PTCHD4: variants seen among roughly 807,000 people sequenced by gnomAD.
PTCHD4 encodes the protein patched domain containing 4.
In PTCHD4, 33 loss-of-function variants were observed where a neutral mutation model predicts 58.1. That is an observed-to-expected ratio of 0.57 (90% CI 0.43 to 0.76). The LOEUF is 0.76. Among genes scored for constraint, PTCHD4 ranks in the 30% least tolerant of loss-of-function variants. The pLI is 0.00. For synonymous variants in PTCHD4, 478 were observed against 409.6 expected (o/e 1.17, Z -2.02); for missense variants, 1,058 against 1,027.1 (o/e 1.03, Z -0.41).
intron 4 of PTCHD4, among the ~76,000 whole-genome samples, chr6:47,956,635 G>A (rs2113958882): frequency 6.6e-6 from 1 of 151,986 alleles, no homozygotes; most frequent in South Asian, 2.1e-4. Context: ...GGGTTTCACC[G>A]TGTTAGTCAA....
At chr6:47,960,322 T>C (rs554479726) in intron 4 of PTCHD4, among the ~76,000 whole-genome samples, 4 of 152,016 alleles carry the variant, frequency 2.6e-5, no homozygotes, top group African/African-American at 9.7e-5. Context: ...ATGGGACAAA[T>C]ACAGGTAAAT....
At chr6:48,078,649 A>G (rs1582117986) in intron 1 of PTCHD4, among the ~76,000 whole-genome samples, 2 of 152,200 alleles carry the variant, frequency 1.3e-5, no homozygotes, top group East Asian at 3.8e-4. Context: ...AGGATTTTCT[A>G]CATTTTTTTC....
chr6:48,052,343 C>G (rs1334397141), intron 3 of PTCHD4, among the ~76,000 whole-genome samples: 1 of 150,186 alleles, frequency 6.7e-6, no homozygotes, highest in Non-Finnish European at 1.5e-5. Context: ...AGGTAAAGAA[C>G]AGTTTAAGAA....
chr6:48,006,346 A>G (rs1043224051), intron 4 of PTCHD4, among the ~76,000 whole-genome samples: 3 of 152,208 alleles, frequency 2.0e-5, no homozygotes, highest in African/African-American at 7.2e-5. Flanking sequence ...CTAGGTTACA[A>G]TCCAGCATCA....
At chr6:47,892,630 A>G (rs1001881499) in intron 4 of PTCHD4, among the ~76,000 whole-genome samples, 3 of 152,222 alleles carry the variant, frequency 2.0e-5, no homozygotes, top group Admixed American at 2.0e-4. Flanking sequence ...GTCTGATTCA[A>G]TCATTAGGAT....
intron 1 of PTCHD4, among the ~76,000 whole-genome samples, chr6:48,109,170 C>A (rs753243266): frequency 6.6e-5 from 10 of 152,042 alleles, no homozygotes; most frequent in Middle Eastern, 3.2e-3. Flanking sequence ...TTCAAATCAT[C>A]TTGTAAGGGA....
At chr6:48,014,359 G>A (rs1762794556) in intron 3 of PTCHD4, among the ~76,000 whole-genome samples, 3 of 152,150 alleles carry the variant, frequency 2.0e-5, no homozygotes, top group Admixed American at 6.6e-5. Context: ...ATGCTTCTAT[G>A]TAGGAAAGAC....
intron 4 of PTCHD4, among the ~76,000 whole-genome samples, chr6:47,883,659 G>A (rs1027363454): frequency 1.3e-5 from 2 of 152,016 alleles, no homozygotes; most frequent in Non-Finnish European, 2.9e-5. Context: ...TTTAATCCAG[G>A]GTTTCCCAAC....
chr6:48,014,771 C>T (rs1480804429), intron 3 of PTCHD4, among the ~76,000 whole-genome samples: 1 of 151,958 alleles, frequency 6.6e-6, no homozygotes, highest in East Asian at 1.9e-4. Context: ...CATGATGAAG[C>T]TCTTTTGTTT....
At chr6:48,009,286 G>C (rs1377948165) in intron 3 of PTCHD4, among the ~76,000 whole-genome samples, 172 bp from the exon 4 acceptor site, 3 of 152,148 alleles carry the variant, frequency 2.0e-5, no homozygotes, top group African/African-American at 7.2e-5. Context: ...GAGCTACATG[G>C]GATACCATGT....
chr6:48,068,827 C>G lies in PTCHD4; in HGVS notation c.5+126G>C. ...TGCGCTCCTACTACTCTTTCAAACACTGCAGCAAGTTGCAGCAAGGCGGGC... is the reference window on the plus strand; with the variant it reads ...TGCGCTCCTACTACTCTTTCAAACAGTGCAGCAAGTTGCAGCAAGGCGGGC... On this transcript the variant is annotated intron_variant, in intron 2 of 4. Transcript: ENST00000339488. This position sits in a 1 kb window ranked among gnomAD's most constrained non-coding sequence, Gnocchi z 4.2. The G allele has an allele frequency of 1.8e-6, 1 of 567,284 alleles. No homozygotes were observed. The highest frequency in any genetic ancestry group is 3.0e-6 in the Non-Finnish European group (1 of 337,002). The allele number at this position is 567,284 out of a possible 1,614,324, so 35.1% of individuals were successfully genotyped here.
intron 3 of PTCHD4, among the ~76,000 whole-genome samples, chr6:48,024,724 A>G (rs982155988): frequency 5.9e-5 from 9 of 152,128 alleles, no homozygotes; most frequent in Non-Finnish European, 1.2e-4. Context: ...TAGTGGAAAG[A>G]GTGCCTGAAG....
chr6:48,075,122 T>A (rs1765039326), intron 1 of PTCHD4, among the ~76,000 whole-genome samples: 1 of 152,178 alleles, frequency 6.6e-6, no homozygotes, highest in Non-Finnish European at 1.5e-5. Flanking sequence ...TAATAAGAAG[T>A]TTAGATAGAA....
At chr6:47,979,128 C>G (rs1459341828) in intron 4 of PTCHD4, among the ~76,000 whole-genome samples, 1 of 152,046 alleles carries the variant, frequency 6.6e-6, no homozygotes, top group South Asian at 2.1e-4. Context: ...CAAAACTAAT[C>G]AATGGTGACA....
chr6:48,017,879 G>T lies in PTCHD4; in HGVS notation c.418-8765C>A, dbSNP rs540355133. 7.9e-5 allele frequency among the ~76,000 whole-genome samples: 12 copies of T among 152,252 alleles called. No individual in the cohort carries two copies. In the South Asian group the frequency reaches 2.5e-3, roughly 32 times the overall value. On this transcript the variant is annotated intron_variant, in intron 3 of 4. Transcript: ENST00000339488. ...GTAATGGTTATGTACACAGAGCCAAGAATCCACTGCCTTGCTTAGAGTCCC... is the reference window on the plus strand; with the variant it reads ...GTAATGGTTATGTACACAGAGCCAATAATCCACTGCCTTGCTTAGAGTCCC...
intron 3 of PTCHD4, among the ~76,000 whole-genome samples, chr6:48,053,852 G>A (rs1764318023): frequency 6.6e-6 from 1 of 152,114 alleles, no homozygotes; most frequent in Non-Finnish European, 1.5e-5. Flanking sequence ...TTACCAGGCA[G>A]GAAAATGGTA....
At chr6:48,015,960 C>A (rs1158391540) in intron 3 of PTCHD4, among the ~76,000 whole-genome samples, 1 of 151,824 alleles carries the variant, frequency 6.6e-6, no homozygotes, top group Non-Finnish European at 1.5e-5. Context: ...GGAGACAGAT[C>A]AAGGTGCCTG....
chr6:47,906,023 G>A (rs1764872677), intron 4 of PTCHD4, among the ~76,000 whole-genome samples: 1 of 152,194 alleles, frequency 6.6e-6, no homozygotes, highest in South Asian at 2.1e-4. Flanking sequence ...ATCTGTGCCT[G>A]GCTTCACAGT....
At chr6:47,886,716 A>G (rs9381626) in intron 4 of PTCHD4, among the ~76,000 whole-genome samples, 102,253 of 152,102 alleles carry the variant, frequency 0.67, 34,775 homozygotes, top group East Asian at 0.78. Flanking sequence ...TCTGGATAAT[A>G]CATCAGTATT....
Sources: gnomAD v4.1 joint callset for allele counts (sites outside exome capture counted in the v4.1 genomes callset) on GRCh38, gnomAD v4.1.1 for gene constraint, Gnocchi (gnomAD v3.1) non-coding constraint, MANE v1.5 for transcripts, NCBI Gene and HGNC (gene_info 2026-07-23, HGNC 2026-07-21) for gene names.